Variants in XPR1 observed in about 807,000 individuals in gnomAD.
XPR1 encodes xenotropic and polytropic retrovirus receptor 1, also known as solute carrier family 53 member 1.
XPR1 carries 28 observed loss-of-function variants against 87.5 expected under a neutral mutation model. The ratio of observed to expected loss-of-function variants is 0.32; its 90% CI spans 0.24 to 0.44. XPR1 has a LOEUF of 0.44. Among genes scored for constraint, XPR1 ranks in the 20% least tolerant of loss-of-function variants. The pLI is 1.00. For missense variants in XPR1, 559 were observed against 862.3 expected, an observed-to-expected ratio of 0.65 and a Z score of 4.41; for synonymous variants, 300 against 306.1, an observed-to-expected ratio of 0.98 and a Z score of 0.21.
At chr1:180,776,870 G>T (rs10914099) in intron 2 of XPR1, among the ~76,000 whole-genome samples, 1,702 of 151,990 alleles carry the variant, frequency 0.011, 23 homozygotes, top group African/African-American at 0.039. Flanking sequence ...AGACTTTTTT[G>T]TGTGTGTTCT....
At chr1:180,745,775 G>T (rs770905574) in intron 2 of XPR1, among the ~76,000 whole-genome samples, 32 of 152,160 alleles carry the variant, frequency 2.1e-4, no homozygotes, top group Non-Finnish European at 1.6e-4. Context: ...TGGTTTGGTG[G>T]CACTTTGATT....
At chr1:180,673,248 T>C (rs1039367381) in intron 1 of XPR1, among the ~76,000 whole-genome samples, 17 of 152,170 alleles carry the variant, frequency 1.1e-4, no homozygotes, top group African/African-American at 4.1e-4. Flanking sequence ...TCTCATTGAA[T>C]ATACATGTTA....
intron 2 of XPR1, among the ~76,000 whole-genome samples, chr1:180,774,102 G>C (rs1648617905): frequency 6.6e-6 from 1 of 152,044 alleles, no homozygotes; most frequent in Non-Finnish European, 1.5e-5. Flanking sequence ...GTCTTTATCA[G>C]ACAAACAAGT....
At chr1:180,747,630 A>G (rs1246626988) in intron 2 of XPR1, among the ~76,000 whole-genome samples, 1 of 152,210 alleles carries the variant, frequency 6.6e-6, no homozygotes, top group African/African-American at 2.4e-5. Flanking sequence ...GCTTTTTACT[A>G]TTTAAATATT....
At chr1:180,837,184 A>G (rs980415424) in intron 11 of XPR1, among the ~76,000 whole-genome samples, 2 of 152,188 alleles carry the variant, frequency 1.3e-5, no homozygotes, top group African/African-American at 2.4e-5. Context: ...TCTCATCTCC[A>G]TGGCAACGTA....
intron 2 of XPR1, among the ~76,000 whole-genome samples, chr1:180,714,734 G>A (rs913339921): frequency 7.2e-5 from 11 of 151,812 alleles, no homozygotes; most frequent in Middle Eastern, 3.4e-3. Context: ...TTTCCTCTTC[G>A]ATTGTTACTA....
intron 2 of XPR1, among the ~76,000 whole-genome samples, chr1:180,773,098 T>C (rs1463219196): frequency 2.0e-5 from 3 of 152,166 alleles, no homozygotes; most frequent in African/African-American, 7.2e-5. Context: ...AAATAGTCAA[T>C]CATTTAATGT....
intron 2 of XPR1, among the ~76,000 whole-genome samples, chr1:180,698,533 G>A (rs1165908427): frequency 6.6e-6 from 1 of 151,988 alleles, no homozygotes; most frequent in African/African-American, 2.4e-5. Flanking sequence ...CATGTGGTTT[G>A]GTGGTTTTCT....
At chr1:180,804,834 C>A (rs1271066795) in intron 4 of XPR1, among the ~76,000 whole-genome samples, 2 of 151,922 alleles carry the variant, frequency 1.3e-5, no homozygotes, top group African/African-American at 2.4e-5. Flanking sequence ...GAGATTTGTT[C>A]ATCGCTTTAT....
intron 1 of XPR1, among the ~76,000 whole-genome samples, chr1:180,643,039 G>C (rs549428900): frequency 6.6e-6 from 1 of 152,232 alleles, no homozygotes; most frequent in African/African-American, 2.4e-5. Flanking sequence ...GGGAAGGTGA[G>C]CTGGGAGGGA....
intron 2 of XPR1, among the ~76,000 whole-genome samples, chr1:180,756,785 G>A (rs1647764886): frequency 1.3e-5 from 2 of 152,074 alleles, no homozygotes; most frequent in African/African-American, 2.4e-5. Context: ...TAATGAAAAC[G>A]ATACTGGAAA....
chr1:180,834,840 G>T (rs753719558), intron 9 of XPR1, 34 bp from the exon 10 acceptor site: 1 of 1,582,034 alleles, frequency 6.3e-7, no homozygotes, highest in Non-Finnish European at 8.6e-7. Context: ...GACTTTTCTT[G>T]TTTCTGTGTT....
chr1:180,665,231 C>T (rs1433353849), intron 1 of XPR1, among the ~76,000 whole-genome samples: 1 of 152,146 alleles, frequency 6.6e-6, no homozygotes, highest in African/African-American at 2.4e-5. Flanking sequence ...ACCATCAGAC[C>T]TCATGAGACT....
intron 1 of XPR1, among the ~76,000 whole-genome samples, chr1:180,668,774 T>C (rs534732577): frequency 6.6e-6 from 1 of 152,320 alleles, no homozygotes; most frequent in African/African-American, 2.4e-5. Flanking sequence ...GAAAATACTT[T>C]CTTTGTATGA....
At chr1:180,695,174 A>G (rs369055530) in intron 2 of XPR1, among the ~76,000 whole-genome samples, 11 of 152,146 alleles carry the variant, frequency 7.2e-5, no homozygotes, top group East Asian at 5.8e-4. Context: ...TCATATACCT[A>G]TTGGCCATTT....
intron 2 of XPR1, among the ~76,000 whole-genome samples, chr1:180,759,280 A>G (rs1647891616): frequency 6.6e-6 from 1 of 152,236 alleles, no homozygotes; most frequent in African/African-American, 2.4e-5. Flanking sequence ...GCAGAACTGA[A>G]AGAAATAGAG....
chr1:180,750,685 T>C (rs914340910), intron 2 of XPR1, among the ~76,000 whole-genome samples: 1 of 152,082 alleles, frequency 6.6e-6, no homozygotes, highest in African/African-American at 2.4e-5. Flanking sequence ...AATATAAATT[T>C]GATTTTTTTA....
intron 2 of XPR1, among the ~76,000 whole-genome samples, chr1:180,718,399 T>C (rs1018312505): frequency 6.6e-6 from 1 of 152,150 alleles, no homozygotes; most frequent in Non-Finnish European, 1.5e-5. Flanking sequence ...GAGTGGCAAA[T>C]TTCGCTTGTT....
At chr1:180,666,878 C>T (rs1244004558) in intron 1 of XPR1, among the ~76,000 whole-genome samples, 1 of 151,504 alleles carries the variant, frequency 6.6e-6, no homozygotes, top group Non-Finnish European at 1.5e-5. Context: ...AAATGGGCAT[C>T]TTTTCCTTGT....
Sources: gnomAD v4.1 joint callset for allele counts (sites outside exome capture counted in the v4.1 genomes callset) on GRCh38, gnomAD v4.1.1 for gene constraint, MANE v1.5 for transcripts, NCBI Gene and HGNC (gene_info 2026-07-23, HGNC 2026-07-21) for gene names.